Variants in MBD5 observed in about 807,000 individuals in gnomAD.
MBD5 encodes the protein methyl-CpG-binding domain protein 5.
Under a neutral mutation model 117.3 loss-of-function variants are expected in MBD5, and 13 were observed. The ratio of observed to expected loss-of-function variants is 0.11; its 90% CI spans 0.07 to 0.18. MBD5 has a LOEUF of 0.18. Among genes scored for constraint, MBD5 ranks in the 10% least tolerant of loss-of-function variants. MBD5 has a pLI of 1.00. For synonymous variants in MBD5, 727 were observed against 766.4 expected, an observed-to-expected ratio of 0.95 and a Z score of 0.85; for missense variants, 1,879 against 2,093.8, an observed-to-expected ratio of 0.90 and a Z score of 2.00.
chr2:148,036,310 C>G (rs941487181), intron 1 of MBD5, among the ~76,000 whole-genome samples: 2 of 152,112 alleles, frequency 1.3e-5, no homozygotes, highest in African/African-American at 4.8e-5. Flanking sequence ...ATCTGTTCTC[C>G]TTATTGAGAA....
At chr2:148,324,950 A>G (rs191578347) in intron 3 of MBD5, among the ~76,000 whole-genome samples, 1 of 152,176 alleles carries the variant, frequency 6.6e-6, no homozygotes, top group Admixed American at 6.5e-5. Context: ...TTGCCCATTC[A>G]GTATGATATT....
chr2:148,314,204 TATC>T (rs1484179797), intron 3 of MBD5, among the ~76,000 whole-genome samples: 1 of 151,900 alleles, frequency 6.6e-6, no homozygotes, highest in Non-Finnish European at 1.5e-5. Context: ...TTTATAAACA[TATC>T]ATCTCACAAT....
chr2:148,147,116 T>G (rs1177137290), intron 1 of MBD5, among the ~76,000 whole-genome samples: 1 of 152,102 alleles, frequency 6.6e-6, no homozygotes, highest in East Asian at 1.9e-4. Flanking sequence ...AATCTAATAT[T>G]TGGGTTTCCA....
At chr2:148,197,807 T>G (rs12987117) in intron 2 of MBD5, among the ~76,000 whole-genome samples, 35,063 of 101,878 alleles carry the variant, frequency 0.34, 5,417 homozygotes, top group South Asian at 0.53. Context: ...TTTTTTTTTG[T>G]TTTTTTTTTT....
At chr2:148,277,334 G>T (rs969120042) in intron 3 of MBD5, among the ~76,000 whole-genome samples, 1 of 152,066 alleles carries the variant, frequency 6.6e-6, no homozygotes, top group African/African-American at 2.4e-5. Flanking sequence ...GAAGCATATC[G>T]TAGAACTAAT....
At chr2:148,500,908 CTT>C (rs1006782660) in intron 11 of MBD5, among the ~76,000 whole-genome samples, 1 of 151,470 alleles carries the variant, frequency 6.6e-6, no homozygotes, top group East Asian at 1.9e-4. Flanking sequence ...TTCCAGGCAT[CTT>C]TTTTTTTAAA....
intron 1 of MBD5, among the ~76,000 whole-genome samples, chr2:148,074,507 G>GT (rs11443189): frequency 0.37 from 42,042 of 113,364 alleles, 8,280 homozygotes; most frequent in East Asian, 0.51. Flanking sequence ...TTTTTTTTTT[G>GT]TTTTTTTTTT....
chr2:148,364,828 C>T (rs1452722799), intron 4 of MBD5, among the ~76,000 whole-genome samples: 1 of 152,026 alleles, frequency 6.6e-6, no homozygotes, highest in Non-Finnish European at 1.5e-5. Flanking sequence ...AGGGGAGCAC[C>T]CAGATTCATA....
At chr2:148,485,463 C>A in intron 9 of MBD5, 1 of 369,424 alleles carries the variant, frequency 2.7e-6, no homozygotes, top group South Asian at 3.4e-5. Context: ...AATCATATGA[C>A]ACTGCAGCTC....
In MBD5 at chr2:148,442,915, G is replaced by C. The variant is rs148115237; in HGVS notation, c.-556-15288G>C. On this transcript the variant is annotated intron_variant, in intron 4 of 13. Coordinates refer to ENST00000642680, the MANE Select transcript of MBD5 (RefSeq NM_001378120.1). Reference sequence around the variant, plus strand: ...AAATAGGACCACATCAAGTTGAAAAGCTTCTGTACAACCAAGAAAACAATC... The same window carrying C: ...AAATAGGACCACATCAAGTTGAAAACCTTCTGTACAACCAAGAAAACAATC... Among the ~76,000 whole-genome samples the C allele has an allele frequency of 2.6e-4, 40 of 151,504 alleles. 4 individuals carry two copies. The highest frequency in any genetic ancestry group is 9.5e-4 in the African/African-American group (39 of 40,854).
chr2:148,399,245 G>T (rs953426716), intron 4 of MBD5, among the ~76,000 whole-genome samples: 15 of 152,190 alleles, frequency 9.9e-5, no homozygotes, highest in Non-Finnish European at 1.9e-4. Context: ...ACCTTGGGCA[G>T]TATGTCCATT....
At chr2:148,258,153 G>A (rs1700634996) in intron 3 of MBD5, among the ~76,000 whole-genome samples, 1 of 152,092 alleles carries the variant, frequency 6.6e-6, no homozygotes, top group Non-Finnish European at 1.5e-5. Flanking sequence ...CTGGTGATGT[G>A]TATGTCCGTG....
At chr2:148,322,852 A>AT (rs969175077) in intron 3 of MBD5, among the ~76,000 whole-genome samples, 156 of 151,880 alleles carry the variant, frequency 1.0e-3, no homozygotes, top group African/African-American at 3.7e-3. Context: ...TTATTTATTT[A>AT]TTATTATTAT....
At chr2:148,348,355 C>T (rs997418737) in intron 4 of MBD5, among the ~76,000 whole-genome samples, 1 of 152,030 alleles carries the variant, frequency 6.6e-6, no homozygotes, top group African/African-American at 2.4e-5. Context: ...CCCTGGTTAA[C>T]TCTTCCTCAA....
chr2:148,386,718 C>CAAAAAAA (rs60766324), intron 4 of MBD5, among the ~76,000 whole-genome samples: 4 of 104,232 alleles, frequency 3.8e-5, no homozygotes, highest in Non-Finnish European at 6.0e-5. Flanking sequence ...GACTCCGTCT[C>CAAAAAAA]AAAAAAAAAA....
intron 1 of MBD5, among the ~76,000 whole-genome samples, chr2:148,066,556 A>G (rs897245482): frequency 2.0e-5 from 3 of 146,620 alleles, no homozygotes; most frequent in Non-Finnish European, 3.0e-5. Flanking sequence ...GCATAATCTC[A>G]GCTCACTGCA....
chr2:148,516,275 ATGCATT>A lies in MBD5; in HGVS notation c.*3335_*3340del, dbSNP rs1353458735. 1 of 152,218 alleles carries A rather than the reference ATGCATT, an allele frequency of 6.6e-6. No individual in the cohort carries two copies. The highest frequency in any genetic ancestry group is 6.5e-5 in the Admixed American group (1 of 15,276). 9.4% of individuals were successfully genotyped at this position (152,218 alleles called of 1,614,324 possible). A position where few individuals can be genotyped will look rare whatever the true frequency, so the allele number is the denominator to read the frequency against. ...GTTCCCTTGCAAGTCACAAGCATAT[ATGCATT>A]AAGATTTTAAAATCTAAGATGCTTA... On this transcript the variant is annotated 3_prime_UTR_variant, in exon 14 of 14. Transcript: ENST00000642680.
intron 1 of MBD5, among the ~76,000 whole-genome samples, chr2:148,130,867 T>C (rs1039385751): frequency 3.3e-5 from 5 of 152,156 alleles, no homozygotes; most frequent in African/African-American, 1.2e-4. Flanking sequence ...TTGGGGAGAC[T>C]AGCTAATATG....
At chr2:148,219,346 G>A (rs1699630187) in intron 2 of MBD5, among the ~76,000 whole-genome samples, 1 of 152,000 alleles carries the variant, frequency 6.6e-6, no homozygotes, top group African/African-American at 2.4e-5. Context: ...AGTACCTCCT[G>A]GAGGACCTGC....
Sources: gnomAD v4.1 joint callset for allele counts (sites outside exome capture counted in the v4.1 genomes callset) on GRCh38, gnomAD v4.1.1 for gene constraint, MANE v1.5 for transcripts, NCBI Gene and HGNC (gene_info 2026-07-23, HGNC 2026-07-21) for gene names.